ADGRL3: variants seen among roughly 807,000 people sequenced by gnomAD.
The protein encoded by ADGRL3 is adhesion G protein-coupled receptor L3.
Under a neutral mutation model 153.5 loss-of-function variants are expected in ADGRL3, and 62 were observed. The observed-to-expected ratio is 0.40, with a 90% CI of 0.33 to 0.50. The LOEUF (loss-of-function observed/expected upper bound fraction) is 0.50, where lower values mean the gene tolerates loss of function less well. Among genes scored for constraint, ADGRL3 ranks in the 20% least tolerant of loss-of-function variants. The pLI is 0.47. For missense variants in ADGRL3, 1,641 were observed against 1,859.4 expected (o/e 0.88, Z 2.16); for synonymous variants, 710 against 672.5 (o/e 1.06, Z -0.86).
intron 2 of ADGRL3, among the ~76,000 whole-genome samples, chr4:61,459,243 T>G (rs941219127): frequency 8.6e-5 from 13 of 151,994 alleles, no homozygotes; most frequent in African/African-American, 2.9e-4. Flanking sequence ...GTTTGGTTTA[T>G]AAATATTAGT....
rs1254946644 is a variant in ADGRL3, at chr4:61,328,442, A to T, written c.-239-54682A>T. Among the ~76,000 whole-genome samples, 3 of 152,162 alleles carry T rather than the reference A, an allele frequency of 2.0e-5. No individual in the cohort carries two copies. The East Asian group carries it at 5.8e-4, about 29-fold the overall frequency. On this transcript the variant is annotated intron_variant, in intron 1 of 26. Transcript: ENST00000683033. ...GTGATCTCATTATATGTTAAAGGATATCCTCCTTGCAATGAAAGGAAAAGG... is the reference window on the plus strand; with the variant it reads ...GTGATCTCATTATATGTTAAAGGATTTCCTCCTTGCAATGAAAGGAAAAGG...
intron 4 of ADGRL3, among the ~76,000 whole-genome samples, chr4:61,554,632 GA>G (rs1355274435): frequency 6.6e-6 from 1 of 152,074 alleles, no homozygotes; most frequent in African/African-American, 2.4e-5. Context: ...AAATTGATTT[GA>G]AAAAAATTGC....
At chr4:62,050,919 T>G (rs985867449) in intron 25 of ADGRL3, among the ~76,000 whole-genome samples, 5 of 151,820 alleles carry the variant, frequency 3.3e-5, no homozygotes, top group Non-Finnish European at 5.9e-5. Context: ...TATTTTTATT[T>G]TGAACAAGCA....
chr4:61,246,328 A>G (rs868314054), intron 1 of ADGRL3, among the ~76,000 whole-genome samples: 9 of 152,062 alleles, frequency 5.9e-5, no homozygotes, highest in Admixed American at 2.6e-4. Context: ...TTTCTGTAGG[A>G]TGATTAATAA....
chr4:61,310,640 T>G (rs1217332190), intron 1 of ADGRL3, among the ~76,000 whole-genome samples: 1 of 152,162 alleles, frequency 6.6e-6, no homozygotes, highest in Non-Finnish European at 1.5e-5. Context: ...TTTGAGCTTT[T>G]ATTTGGAATA....
At chr4:61,768,183 AC>A (rs2097025902) in intron 8 of ADGRL3, among the ~76,000 whole-genome samples, 2 of 152,134 alleles carry the variant, frequency 1.3e-5, no homozygotes, top group African/African-American at 4.8e-5. Context: ...GGCTCCAGCC[AC>A]CTTTTTAAGA....
chr4:61,299,556 G>T (rs2094516885), intron 1 of ADGRL3, among the ~76,000 whole-genome samples: 1 of 152,142 alleles, frequency 6.6e-6, no homozygotes, highest in Non-Finnish European at 1.5e-5. Flanking sequence ...ACCTTCTGCT[G>T]AACACTTTAC....
At position 61,595,722 on chromosome 4, in the gene ADGRL3, A is replaced by G. The variant is rs915245014; in HGVS notation, c.473+8282A>G. On this transcript the variant is annotated intron_variant, in intron 5 of 26. Transcript: ENST00000683033. ...AGTTCACTGGCTCTAAGCCTAGCCTAGCACTAGGAATTGCAGTCCTTGTGT... is the reference window on the plus strand; with the variant it reads ...AGTTCACTGGCTCTAAGCCTAGCCTGGCACTAGGAATTGCAGTCCTTGTGT... Among the ~76,000 whole-genome samples the G allele has an allele frequency of 2.0e-5, 3 of 152,130 alleles. No individual in the cohort carries two copies. In the East Asian group the frequency reaches 5.8e-4, roughly 29 times the overall value.
rs542242131 is a variant in ADGRL3 at position 61,375,430 on chromosome 4, C to T, written c.-239-7694C>T. Among the ~76,000 whole-genome samples the T allele has an allele frequency of 7.9e-5, 12 of 151,950 alleles. No homozygotes were observed. In the South Asian group the frequency reaches 2.1e-3, roughly 26 times the overall value. On this transcript the variant is annotated intron_variant, in intron 1 of 26. Coordinates refer to ENST00000683033, the MANE Select transcript of ADGRL3 (RefSeq NM_001387552.1). The stretch of plus-strand genomic sequence containing the variant: ...TCTTGCTCAAATTTTGGACATAAAC[C>T]GGGACAAGATTTCCTACATCCATAA...
chr4:61,891,284 T>A (rs1034836678), intron 9 of ADGRL3, among the ~76,000 whole-genome samples: 2 of 152,070 alleles, frequency 1.3e-5, no homozygotes, highest in African/African-American at 4.8e-5. Context: ...ATATAGTATA[T>A]GTGGAAGAAG....
At chr4:62,068,909 G>A (rs1320548836) in intron 26 of ADGRL3, among the ~76,000 whole-genome samples, 2 of 152,128 alleles carry the variant, frequency 1.3e-5, no homozygotes, top group Non-Finnish European at 2.9e-5. Flanking sequence ...TGAACTAGTT[G>A]AGTTTTGATA....
intron 10 of ADGRL3, 104 bp downstream of exon 10, chr4:61,893,062 C>T (rs1341306057): frequency 2.1e-5 from 10 of 482,030 alleles, no homozygotes; most frequent in East Asian, 3.6e-5. Context: ...TCCCTCCCTT[C>T]CTCCCTCCCT....
intron 6 of ADGRL3, among the ~76,000 whole-genome samples, chr4:61,687,661 T>G (rs549623430): frequency 1.6e-4 from 24 of 152,136 alleles, no homozygotes; most frequent in Admixed American, 1.6e-3. Context: ...TAGTAAATTT[T>G]ATTTTTACTA....
chr4:61,870,210 A>G (rs1287777916), intron 9 of ADGRL3, among the ~76,000 whole-genome samples: 1 of 152,054 alleles, frequency 6.6e-6, no homozygotes, highest in East Asian at 1.9e-4. Context: ...AATGAGGGAA[A>G]GAATAGTAGT....
At chr4:61,885,689 A>C (rs1209989983) in intron 9 of ADGRL3, among the ~76,000 whole-genome samples, 1 of 152,216 alleles carries the variant, frequency 6.6e-6, no homozygotes, top group Non-Finnish European at 1.5e-5. Context: ...CATATGTGTT[A>C]AAGTTTCAAC....
chr4:61,713,082 T>C (rs1325194324), intron 6 of ADGRL3, among the ~76,000 whole-genome samples: 1 of 152,146 alleles, frequency 6.6e-6, no homozygotes, highest in Non-Finnish European at 1.5e-5. Flanking sequence ...GATAAAACTT[T>C]ATAATTATTT....
chr4:61,802,314 A>G (rs757301074), intron 8 of ADGRL3, among the ~76,000 whole-genome samples: 4 of 152,176 alleles, frequency 2.6e-5, no homozygotes, highest in Non-Finnish European at 5.9e-5. Flanking sequence ...AAACTAAAAT[A>G]AGGAATTTAA....
intron 8 of ADGRL3, among the ~76,000 whole-genome samples, chr4:61,757,285 C>A (rs1016259539): frequency 2.0e-5 from 3 of 152,122 alleles, no homozygotes; most frequent in African/African-American, 7.2e-5. Context: ...TTAATTATTG[C>A]CTCAATTTCA....
At chr4:61,307,574 T>A (rs2150451430) in intron 1 of ADGRL3, among the ~76,000 whole-genome samples, 1 of 152,310 alleles carries the variant, frequency 6.6e-6, no homozygotes, top group Non-Finnish European at 1.5e-5. Flanking sequence ...TTTAATATGT[T>A]ATTCACTCTG....
Sources: gnomAD v4.1 joint callset for allele counts (sites outside exome capture counted in the v4.1 genomes callset) on GRCh38, gnomAD v4.1.1 for gene constraint, MANE v1.5 for transcripts, NCBI Gene and HGNC (gene_info 2026-07-23, HGNC 2026-07-21) for gene names.